Variants in TSNARE1 observed in about 807,000 individuals in gnomAD.
The protein encoded by TSNARE1 is t-SNARE domain-containing protein 1.
TSNARE1 carries 49 observed loss-of-function variants against 62.0 expected under a neutral mutation model. The ratio of observed to expected loss-of-function variants is 0.79; its 90% CI spans 0.63 to 1.00. The LOEUF is 1.00. Among genes scored for constraint, TSNARE1 ranks in the 50% least tolerant of loss-of-function variants. The pLI is 0.00. For missense variants in TSNARE1, 755 were observed against 700.1 expected (o/e 1.08, Z -0.88); for synonymous variants, 328 against 294.4 (o/e 1.11, Z -1.17).
chr8:142,357,457 G>A (rs990268947), intron 1 of TSNARE1, among the ~76,000 whole-genome samples: 4 of 152,238 alleles, frequency 2.6e-5, no homozygotes, highest in African/African-American at 7.2e-5. Flanking sequence ...TGTTTGGGGA[G>A]CTCCCTCTAC....
chr8:142,294,511 G>C lies in TSNARE1; in HGVS notation c.1290+5975C>G, dbSNP rs542612813. ...GGGCATGGTTCTGGCCTGGGCTCCT[G>C]GCGGCAGCTGGCGGCCCTGCTGTGT... On this transcript the variant is annotated intron_variant, in intron 10 of 13. Coordinates refer to ENST00000524325, the MANE Select transcript of TSNARE1 (RefSeq NM_145003.5). Among the ~76,000 whole-genome samples, 4 of 152,322 alleles carry C rather than the reference G, an allele frequency of 2.6e-5. No homozygotes were observed. The East Asian group carries it at 7.7e-4, about 29-fold the overall frequency.
chr8:142,268,302 G>A (rs1819244826), intron 12 of TSNARE1, among the ~76,000 whole-genome samples: 2 of 152,208 alleles, frequency 1.3e-5, no homozygotes, highest in South Asian at 4.1e-4. Flanking sequence ...GAGACACATG[G>A]ACCAGGACTT....
intron 1 of TSNARE1, among the ~76,000 whole-genome samples, chr8:142,391,657 T>C (rs933454683): frequency 2.0e-5 from 3 of 152,226 alleles, no homozygotes; most frequent in African/African-American, 7.2e-5. Context: ...GTGGAAGCCG[T>C]GTGCAGTACA....
At chr8:142,311,290 GTTTTTTTTT>G (rs58755110) in intron 9 of TSNARE1, among the ~76,000 whole-genome samples, 1 of 57,336 alleles carries the variant, frequency 1.7e-5, no homozygotes, top group Non-Finnish European at 2.9e-5. Context: ...AGCCTCTCTA[GTTTTTTTTT>G]TTTTTTTTTT....
chr8:142,224,546 C>T (rs1167981057), intron 13 of TSNARE1, among the ~76,000 whole-genome samples: 1 of 152,218 alleles, frequency 6.6e-6, no homozygotes, highest in African/African-American at 2.4e-5. Context: ...CCCTCCTCAC[C>T]GTGGAGACTC....
intron 11 of TSNARE1, among the ~76,000 whole-genome samples, chr8:142,283,617 A>G (rs965258556): frequency 7.2e-6 from 1 of 139,544 alleles, no homozygotes; most frequent in Non-Finnish European, 1.5e-5. Flanking sequence ...CAACGAGCAG[A>G]GGCAGGGACA....
intron 12 of TSNARE1, among the ~76,000 whole-genome samples, chr8:142,260,439 G>T (rs1035090559): frequency 6.6e-6 from 1 of 152,164 alleles, no homozygotes; most frequent in African/African-American, 2.4e-5. Context: ...CTGGCCAGGC[G>T]TCCTCTGTCC....
intron 12 of TSNARE1, chr8:142,271,465 G>A (rs1819533879): frequency 2.4e-5 from 31 of 1,270,964 alleles, no homozygotes; most frequent in Non-Finnish European, 3.0e-5. Flanking sequence ...GGGTCCTCCT[G>A]GAGGGCAAGG....
chr8:142,270,837 C>T (rs1819462666), intron 12 of TSNARE1: 1 of 985,336 alleles, frequency 1.0e-6, no homozygotes, highest in Admixed American at 6.1e-5. Flanking sequence ...TAGACCTGGT[C>T]CACTGAGTCC....
rs1349864360 is a variant in TSNARE1 at position 142,319,828 on chromosome 8, G to A, written c.894-1194C>T. Among the ~76,000 whole-genome samples the A allele has an allele frequency of 6.6e-6, 1 of 152,176 alleles. No homozygotes were observed. The highest frequency in any genetic ancestry group is 1.5e-5 in the Non-Finnish European group (1 of 68,018). On this transcript the variant is annotated intron_variant, in intron 6 of 13. Transcript: ENST00000524325. This position sits in a 1 kb window ranked among gnomAD's most constrained non-coding sequence, Gnocchi z 4.9. ...AGGCACCCAGCAGGCTAGAGAGGGT[G>A]TGGGCCAAGGAGGGCAAGGAGCCAT...
chr8:142,282,935 A>T (rs943917324), intron 11 of TSNARE1, among the ~76,000 whole-genome samples: 4 of 148,004 alleles, frequency 2.7e-5, no homozygotes, highest in African/African-American at 1.0e-4. Flanking sequence ...AGGTGGGGCC[A>T]CTGTCTGTCA....
chr8:142,271,743 T>C, intron 12 of TSNARE1: 1 of 1,277,564 alleles, frequency 7.8e-7, no homozygotes, highest in Non-Finnish European at 1.0e-6. Flanking sequence ...AACCCAGTGA[T>C]CTGGAGGGTG....
chr8:142,345,431 C>T (rs946740890), intron 3 of TSNARE1, among the ~76,000 whole-genome samples: 1 of 152,192 alleles, frequency 6.6e-6, no homozygotes, highest in Admixed American at 6.5e-5. Flanking sequence ...CAAGGACAGT[C>T]GGGCTTGAGG....
intron 7 of TSNARE1, 112 bp from the exon 8 acceptor site, chr8:142,315,204 G>T: frequency 1.9e-6 from 2 of 1,073,974 alleles, no homozygotes; most frequent in Non-Finnish European, 2.7e-6. Flanking sequence ...ACTCAGAATG[G>T]GGCTCGCCAT....
intron 12 of TSNARE1, among the ~76,000 whole-genome samples, chr8:142,235,565 T>C (rs1220929806): frequency 6.6e-6 from 1 of 152,094 alleles, no homozygotes; most frequent in Non-Finnish European, 1.5e-5. Context: ...ATCGGAGCCA[T>C]TTGGATAGAT....
intron 4 of TSNARE1, among the ~76,000 whole-genome samples, chr8:142,342,810 G>T (rs776620741): frequency 1.0e-4 from 15 of 146,474 alleles, no homozygotes; most frequent in Non-Finnish European, 1.8e-4. Flanking sequence ...CCTACGCCCA[G>T]CACCTGTCCA....
At chr8:142,302,552 C>T (rs1825960900) in intron 9 of TSNARE1, among the ~76,000 whole-genome samples, 2 of 152,146 alleles carry the variant, frequency 1.3e-5, no homozygotes. Flanking sequence ...CCCTCCCTTG[C>T]TGTCCCCACC....
At chr8:142,262,596 G>C (rs1047166814) in intron 12 of TSNARE1, among the ~76,000 whole-genome samples, 1 of 152,048 alleles carries the variant, frequency 6.6e-6, no homozygotes, top group Non-Finnish European at 1.5e-5. Context: ...GGTTTCTCAC[G>C]GTTTAATGCC....
At chr8:142,313,349 T>C (rs1827935202) in intron 9 of TSNARE1, among the ~76,000 whole-genome samples, 1 of 152,174 alleles carries the variant, frequency 6.6e-6, no homozygotes, top group Admixed American at 6.5e-5. Context: ...TCTGTGTGTC[T>C]CTACATGTCT....
Sources: gnomAD v4.1 joint callset for allele counts (sites outside exome capture counted in the v4.1 genomes callset) on GRCh38, gnomAD v4.1.1 for gene constraint, Gnocchi (gnomAD v3.1) non-coding constraint, MANE v1.5 for transcripts, NCBI Gene and HGNC (gene_info 2026-07-23, HGNC 2026-07-21) for gene names.